Variants in TNC observed in about 807,000 individuals in gnomAD.
TNC encodes tenascin C, also known as tenascin.
A neutral mutation model predicts 202.4 loss-of-function variants in TNC; 109 were observed. That is an observed-to-expected ratio of 0.54 (90% CI 0.46 to 0.63). The LOEUF (loss-of-function observed/expected upper bound fraction) is 0.63, where lower values mean the gene tolerates loss of function less well. TNC is among the 30% of genes least tolerant of loss of function. The probability of loss-of-function intolerance (pLI) is 0.00; values close to 1 mark genes in which losing one functional copy is unlikely to be tolerated. For synonymous variants in TNC, 1,007 were observed against 1,089.7 expected (o/e 0.92, Z 1.50); for missense variants, 2,756 against 2,833.3 (o/e 0.97, Z 0.62).
intron 1 of TNC, among the ~76,000 whole-genome samples, chr9:115,112,306 G>C (rs994511061): frequency 1.3e-5 from 2 of 152,204 alleles, no homozygotes; most frequent in African/African-American, 4.8e-5. Flanking sequence ...TTTAAAATGA[G>C]GTATGCTAAC....
chr9:115,055,981 A>G (rs938783491), intron 15 of TNC, among the ~76,000 whole-genome samples: 1 of 152,214 alleles, frequency 6.6e-6, no homozygotes, highest in African/African-American at 2.4e-5. Flanking sequence ...TGAGATAGCA[A>G]CTGGATAATG....
chr9:115,044,311 T>C (rs377610540), intron 17 of TNC, among the ~76,000 whole-genome samples: 3 of 146,790 alleles, frequency 2.0e-5, no homozygotes, highest in Middle Eastern at 3.6e-3. Context: ...GAGGTGAAGA[T>C]AGAAATTAGG....
rs1375941942 is a variant in TNC, at chr9:115,118,096, A to G, written c.-251T>C. The G allele has an allele frequency of 6.6e-6, 1 of 152,178 alleles. No individual in the cohort carries two copies. The highest frequency in any genetic ancestry group is 2.4e-5 in the African/African-American group (1 of 41,420). The allele number at this position is 152,178 out of a possible 1,614,324, so 9.4% of individuals were successfully genotyped here. Reference sequence around the variant, plus strand: ...CCCCAGCAGCGCTGCCTTTGTGCCCACGGAGGCGGGGGCGTGTATCTGCGC... The same window carrying G: ...CCCCAGCAGCGCTGCCTTTGTGCCCGCGGAGGCGGGGGCGTGTATCTGCGC... On this transcript the variant is annotated 5_prime_UTR_variant, in exon 1 of 28. Coordinates refer to ENST00000350763, the MANE Select transcript of TNC (RefSeq NM_002160.4).
At chr9:115,116,103 C>T (rs1372436894) in intron 1 of TNC, among the ~76,000 whole-genome samples, 1 of 152,116 alleles carries the variant, frequency 6.6e-6, no homozygotes. Flanking sequence ...CCCTGTGAGA[C>T]ATAGTTTGTC....
At chr9:115,113,019 A>G (rs1489692050) in intron 1 of TNC, among the ~76,000 whole-genome samples, 4 of 152,158 alleles carry the variant, frequency 2.6e-5, no homozygotes, top group Non-Finnish European at 4.4e-5. Context: ...CATGTAGCTT[A>G]AAGTCTAGTA....
intron 2 of TNC, among the ~76,000 whole-genome samples, chr9:115,088,283 G>T (rs10817709): frequency 0.089 from 13,561 of 152,150 alleles, 665 homozygotes; most frequent in Middle Eastern, 0.16. Flanking sequence ...TTTGTGGAAG[G>T]TTGGCTCAAG....
intron 1 of TNC, among the ~76,000 whole-genome samples, chr9:115,108,723 T>C (rs1374431145): frequency 6.6e-6 from 1 of 152,206 alleles, no homozygotes; most frequent in Non-Finnish European, 1.5e-5. Flanking sequence ...ACAATATTAG[T>C]TGGCAGAGTC....
intron 17 of TNC, among the ~76,000 whole-genome samples, chr9:115,044,539 A>G (rs1037508256): frequency 1.3e-5 from 2 of 151,780 alleles, no homozygotes; most frequent in African/African-American, 4.8e-5. Flanking sequence ...TGTTGTTCTT[A>G]AAAAAAATTC....
intron 16 of TNC, 93 bp downstream of exon 16, chr9:115,048,167 G>T: frequency 6.9e-7 from 1 of 1,455,678 alleles, no homozygotes; most frequent in Non-Finnish European, 9.3e-7. Flanking sequence ...TAGGGAATGT[G>T]AACAAAGATG....
chr9:115,034,415 T>C (rs1464047158), intron 22 of TNC, among the ~76,000 whole-genome samples: 1 of 152,212 alleles, frequency 6.6e-6, no homozygotes. Context: ...CAACAGACAT[T>C]GGGTGGATGT....
intron 1 of TNC, among the ~76,000 whole-genome samples, chr9:115,107,093 T>G (rs956920291): frequency 1.3e-5 from 2 of 152,144 alleles, no homozygotes; most frequent in African/African-American, 4.8e-5. Flanking sequence ...TTTTTCTGCT[T>G]CAATCTCTAT....
intron 19 of TNC, among the ~76,000 whole-genome samples, chr9:115,039,042 C>A: frequency 6.6e-6 from 1 of 152,260 alleles, no homozygotes; most frequent in East Asian, 1.9e-4. Context: ...GTTGGCTAGG[C>A]TGGTCTTGAA....
At position 115,028,924 on chromosome 9, in the gene TNC, GAAAAAAAAAAAAAAA is replaced by G. The variant is rs57737243; in HGVS notation, c.6169+421_6169+435del. ...TACTAAAGCTCTCAACATTATCTCT[GAAAAAAAAAAAAAAA>G]AAAAAAAAAAAAAAAAAAAAAAAGA... On this transcript the variant is annotated intron_variant, in intron 25 of 27. Transcript: ENST00000350763. Among the ~76,000 whole-genome samples the G allele has an allele frequency of 5.4e-3, 342 of 63,884 alleles. 2 individuals carry two copies. The East Asian group carries it at 0.077, about 14-fold the overall frequency. 41.9% of individuals were successfully genotyped at this position (63,884 alleles called of 152,430 possible).
At chr9:115,061,132 T>G (rs1039185526) in intron 13 of TNC, among the ~76,000 whole-genome samples, 4 of 152,144 alleles carry the variant, frequency 2.6e-5, no homozygotes, top group Non-Finnish European at 5.9e-5. Context: ...GGGTTAGAAG[T>G]TAGGGAGGAG....
At chr9:115,021,408 T>C in intron 27 of TNC, 141 bp from the exon 28 acceptor site, 2 of 621,924 alleles carry the variant, frequency 3.2e-6, no homozygotes, top group African/African-American at 1.8e-5. Context: ...ATTTGGTATA[T>C]CACAGCTGCC....
rs764024108 is a variant in TNC at position 115,048,457 on chromosome 9, G to A, written c.4655C>T (p.Ser1552Leu). ...PYGFTVSWMASENAFDSFLVT... is the reference protein window; with the variant it reads ...PYGFTVSWMALENAFDSFLVT... ...TAGAAAGCTGTCAAAGGCATTCTCC[G>A]ATGCCATCCAGGAAACTGTGAACCC... Residue 1552 changes from serine (S) to leucine (L), a missense_variant, in exon 16 of 28, where the codon TCG becomes TTG. Ser to Leu is a moderately radical substitution (Grantham distance 145). Coordinates refer to ENST00000350763, the MANE Select transcript of TNC (RefSeq NM_002160.4). 3.7e-6 allele frequency: 6 copies of A among 1,613,992 alleles called. No individual in the cohort carries two copies. The highest frequency in any genetic ancestry group is 2.2e-5 in the South Asian group (2 of 91,080).
At chr9:115,104,523 C>T (rs1442228584) in intron 1 of TNC, among the ~76,000 whole-genome samples, 1 of 152,160 alleles carries the variant, frequency 6.6e-6, no homozygotes, top group Non-Finnish European at 1.5e-5. Context: ...CCAATTTCTA[C>T]TTATCTGCTG....
chr9:115,088,046 T>A (rs1378623800), intron 2 of TNC, among the ~76,000 whole-genome samples: 1 of 152,226 alleles, frequency 6.6e-6, no homozygotes, highest in African/African-American at 2.4e-5. Context: ...GCCAGGCACA[T>A]AAAAGATGCC....
At chr9:115,060,242 T>C (rs952307243) in intron 13 of TNC, among the ~76,000 whole-genome samples, 8 of 152,320 alleles carry the variant, frequency 5.3e-5, no homozygotes, top group Admixed American at 6.5e-5. Flanking sequence ...CAAAGACATC[T>C]GCACCAATGC....
Sources: gnomAD v4.1 joint callset for allele counts (sites outside exome capture counted in the v4.1 genomes callset) on GRCh38, gnomAD v4.1.1 for gene constraint, MANE v1.5 for transcripts, NCBI Gene and HGNC (gene_info 2026-07-23, HGNC 2026-07-21) for gene names.